Variants in RAB11B observed in about 807,000 individuals in gnomAD.
RAB11B encodes ras-related protein Rab-11B.
In RAB11B, 7 loss-of-function variants were observed where a neutral mutation model predicts 23.7. That is an observed-to-expected ratio of 0.29 (90% CI 0.17 to 0.55). RAB11B has a LOEUF of 0.55. RAB11B is among the 20% of genes least tolerant of loss of function. The pLI is 0.93. For synonymous variants in RAB11B, 138 were observed against 132.0 expected (o/e 1.05, Z -0.31); for missense variants, 189 against 320.0 (o/e 0.59, Z 3.12).
rs574939506 is a variant in RAB11B at position 8,398,827 on chromosome 19, G to A, written c.41-1036G>A. On this transcript the variant is annotated intron_variant, in intron 1 of 4. Coordinates refer to ENST00000328024, the MANE Select transcript of RAB11B (RefSeq NM_004218.4). ...GGGAGACAGAATCTCTGTTGCCTAG[G>A]CTGGAGTGCAGTGATTCGATCTCGG... 2.0e-4 allele frequency among the ~76,000 whole-genome samples: 30 copies of A among 152,174 alleles called. No homozygotes were observed. In the South Asian group the frequency reaches 6.0e-3, roughly 31 times the overall value.
At chr19:8,393,617 G>T (rs778180156) in intron 1 of RAB11B, among the ~76,000 whole-genome samples, 1 of 152,184 alleles carries the variant, frequency 6.6e-6, no homozygotes, top group South Asian at 2.1e-4. Context: ...TTTAGAATGG[G>T]GGTCCCTCCA....
At chr19:8,392,288 A>T (rs1028810012) in intron 1 of RAB11B, among the ~76,000 whole-genome samples, 1 of 152,144 alleles carries the variant, frequency 6.6e-6, no homozygotes, top group African/African-American at 2.4e-5. Context: ...TGCTCAAGTC[A>T]TGGTTTTGCC....
At chr19:8,392,685 C>CTT (rs74176644) in intron 1 of RAB11B, among the ~76,000 whole-genome samples, 3,047 of 79,610 alleles carry the variant, frequency 0.038, 180 homozygotes, top group South Asian at 0.071. Flanking sequence ...TTTTTCTTTT[C>CTT]TTTTTTTTTT....
chr19:8,390,530 C>G (rs917055332), intron 1 of RAB11B, 74 bp downstream of exon 1: 1 of 1,378,364 alleles, frequency 7.3e-7, no homozygotes, highest in Non-Finnish European at 9.4e-7. Context: ...GGCCGCGCTC[C>G]AGGCCGCTGG....
chr19:8,403,299 T>C, intron 4 of RAB11B, 114 bp from the exon 5 acceptor site: 2 of 1,351,312 alleles, frequency 1.5e-6, no homozygotes, highest in Non-Finnish European at 1.0e-6. Flanking sequence ...CCTGATGTGA[T>C]GGGGGCGCTG....
intron 1 of RAB11B, among the ~76,000 whole-genome samples, chr19:8,392,459 G>A (rs1174192632): frequency 6.6e-6 from 1 of 150,666 alleles, no homozygotes; most frequent in Non-Finnish European, 1.5e-5. Flanking sequence ...AGGCGGTGTG[G>A]GGTGGGGGGG....
At chr19:8,398,390 C>G (rs148077854) in intron 1 of RAB11B, among the ~76,000 whole-genome samples, 4 of 152,222 alleles carry the variant, frequency 2.6e-5, no homozygotes, top group Non-Finnish European at 4.4e-5. Flanking sequence ...TGTGCACCCC[C>G]CTCCTGGGAC....
At chr19:8,400,131 A>G (rs896178609) in intron 2 of RAB11B, 73 bp downstream of exon 2, 5 of 1,528,634 alleles carry the variant, frequency 3.3e-6, no homozygotes, top group Non-Finnish European at 4.5e-6. Context: ...GCTTGGAAGG[A>G]TGTGTAGGAG....
intron 1 of RAB11B, among the ~76,000 whole-genome samples, chr19:8,391,245 A>T (rs2145504931): frequency 6.6e-6 from 1 of 152,330 alleles, no homozygotes; most frequent in East Asian, 1.9e-4. Context: ...AGAGTGACAA[A>T]GACACAGTTT....
intron 1 of RAB11B, among the ~76,000 whole-genome samples, chr19:8,397,296 T>C (rs1420595272): frequency 6.6e-6 from 1 of 152,018 alleles, no homozygotes; most frequent in African/African-American, 2.4e-5. Context: ...AGCCCATGGC[T>C]GGTATTTACA....
At position 8,395,598 on chromosome 19, in the gene RAB11B, C is replaced by T. The variant is rs186787746; in HGVS notation, c.41-4265C>T. On this transcript the variant is annotated intron_variant, in intron 1 of 4. Transcript: ENST00000328024. Reference sequence around the variant, plus strand: ...CTGAAGTCCACTTGGTAGCCCTGTGCGGGGCACCCATGGTGACGTGAGAGA... The same window carrying T: ...CTGAAGTCCACTTGGTAGCCCTGTGTGGGGCACCCATGGTGACGTGAGAGA... Among the ~76,000 whole-genome samples the T allele has an allele frequency of 1.1e-3, 170 of 152,260 alleles. 1 individual carries two copies. The highest frequency in any genetic ancestry group is 1.9e-3 in the Non-Finnish European group (127 of 68,018).
intron 1 of RAB11B, among the ~76,000 whole-genome samples, chr19:8,395,779 C>CAG (rs1971392525): frequency 1.3e-5 from 2 of 152,250 alleles, no homozygotes; most frequent in South Asian, 4.2e-4. Flanking sequence ...CTGGGGTGCC[C>CAG]AGAGCCTCAA....
Position 8,400,373 on chromosome 19 carries a change from G to A in RAB11B, c.236+315G>A, listed in dbSNP as rs1186697993. The stretch of plus-strand genomic sequence containing the variant: ...TCCTCCCTCAGCTTCCCTCCTCACT[G>A]GTGCCCACACCTGGTCCCACACGCC... On this transcript the variant is annotated intron_variant, in intron 2 of 4. Transcript: ENST00000328024. 9.5e-6 allele frequency: 4 copies of A among 419,586 alleles called. No individual in the cohort carries two copies. The East Asian group carries it at 1.8e-4, about 19-fold the overall frequency. The allele number at this position is 419,586 out of a possible 1,614,324, so 26.0% of individuals were successfully genotyped here. A position where few individuals can be genotyped will look rare whatever the true frequency, so the allele number is the denominator to read the frequency against.
At chr19:8,400,237 C>CGCCCA in intron 2 of RAB11B, 179 bp downstream of exon 2, 1 of 772,430 alleles carries the variant, frequency 1.3e-6, no homozygotes, top group Non-Finnish European at 2.1e-6. Context: ...GGCTGACCAG[C>CGCCCA]GCCCAGCCTT....
intron 2 of RAB11B, among the ~76,000 whole-genome samples, chr19:8,401,837 T>C (rs915754531): frequency 6.6e-6 from 1 of 152,214 alleles, no homozygotes; most frequent in Non-Finnish European, 1.5e-5. Context: ...TTCCCTTTTT[T>C]TGATGACCTC....
intron 1 of RAB11B, chr19:8,390,694 G>A (rs1971341956): frequency 2.5e-6 from 1 of 401,160 alleles, no homozygotes; most frequent in South Asian, 1.1e-4. Context: ...GCCGGGGCGG[G>A]GCCAGAGCCT....
At chr19:8,403,327 C>T (rs1971452737) in intron 4 of RAB11B, 86 bp from the exon 5 acceptor site, 13 of 1,518,252 alleles carry the variant, frequency 8.6e-6, no homozygotes, top group Non-Finnish European at 1.2e-5. Context: ...CTGGAGAGGG[C>T]CTCTGGAGTC....
At chr19:8,394,096 C>G (rs1254202990) in intron 1 of RAB11B, among the ~76,000 whole-genome samples, 1 of 152,208 alleles carries the variant, frequency 6.6e-6, no homozygotes, top group East Asian at 1.9e-4. Flanking sequence ...CATCCTGGAC[C>G]AGCCCGCCAC....
At position 8,390,373 on chromosome 19, in the gene RAB11B, G is replaced by C. The variant is rs1163195351; in HGVS notation, c.-44G>C. On this transcript the variant is annotated 5_prime_UTR_variant, in exon 1 of 5. Transcript: ENST00000328024. ...GGCTCCGCCCCCGTCGGGTGTTTGT[G>C]GTGGGGCTGCGGAGTCGCCGATCCC... is the stretch of plus-strand genomic sequence containing the variant. 1 of 1,515,554 alleles carries C rather than the reference G, an allele frequency of 6.6e-7. No homozygotes were observed. Among genetic ancestry groups the C allele is most frequent in the South Asian group, 1.2e-5 (1 of 80,170 alleles). The allele number at this position is 1,515,554 out of a possible 1,614,324, so 93.9% of individuals were successfully genotyped here.
Sources: allele counts gnomAD v4.1 joint callset (sites outside exome capture counted in the v4.1 genomes callset), GRCh38; gene constraint gnomAD v4.1.1; transcripts MANE v1.5; gene names NCBI Gene and HGNC (gene_info 2026-07-23, HGNC 2026-07-21).